CHD1L: variants seen among roughly 807,000 people sequenced by gnomAD.
CHD1L encodes the protein ATP-dependent chromatin remodeler CHD1L.
In CHD1L, 118 loss-of-function variants were observed where a neutral mutation model predicts 115.9. That is an observed-to-expected ratio of 1.02 (90% CI 0.88 to 1.19). CHD1L has a LOEUF of 1.19. CHD1L is among the 50% of genes most tolerant of loss of function. The pLI, the probability that CHD1L is intolerant of heterozygous loss-of-function variation, is 0.00. For synonymous variants in CHD1L, 411 were observed against 387.1 expected, an observed-to-expected ratio of 1.06 and a Z score of -0.72; for missense variants, 1,179 against 1,065.3, an observed-to-expected ratio of 1.11 and a Z score of -1.49.
chr1:147,291,410 C>T (rs1013806565), intron 19 of CHD1L, 72 bp from the exon 20 acceptor site: 16 of 1,274,768 alleles, frequency 1.3e-5, no homozygotes, highest in South Asian at 1.1e-4. Context: ...TTGAAGAAGG[C>T]GAGATACGAG....
At chr1:147,212,139 C>G in the CHD1L span, among the ~76,000 whole-genome samples, 1 of 152,168 alleles carries the variant, frequency 6.6e-6, no homozygotes, top group Non-Finnish European at 1.5e-5. Flanking sequence ...GATAATGAGC[C>G]CAGACTTTAG....
At chr1:147,183,015 C>A in the CHD1L span, among the ~76,000 whole-genome samples, 6 of 152,126 alleles carry the variant, frequency 3.9e-5, no homozygotes, top group East Asian at 1.2e-3. Flanking sequence ...CTGGCTAACA[C>A]GATAAAACCC....
At position 147,271,026 on chromosome 1, in the gene CHD1L, C is replaced by T. The variant is rs587665038; in HGVS notation, c.1159+21C>T. On this transcript the variant is annotated intron_variant, in intron 11 of 22. Transcript: ENST00000369258. ...CAGAGGTGACACCTTTTGGCCACTA[C>T]ATTACCTAAGGCTCTGTTAGACTTA... 4.5e-5 allele frequency: 71 copies of T among 1,592,048 alleles called. 1 individual carries two copies. In the South Asian group the frequency reaches 7.2e-4, roughly 16 times the overall value.
chr1:147,252,758 C>T, intron 2 of CHD1L, 23 bp downstream of exon 2: 3 of 1,518,874 alleles, frequency 2.0e-6, no homozygotes, highest in East Asian at 4.5e-5. Flanking sequence ...GCGACGAGTA[C>T]TGCTCACCGC....
At chr1:147,207,055 A>G in the CHD1L span, among the ~76,000 whole-genome samples, 3 of 151,996 alleles carry the variant, frequency 2.0e-5, no homozygotes, top group African/African-American at 4.8e-5. Context: ...AAAAAATACT[A>G]TTAGGGCAAC....
At chr1:147,194,085 C>A in the CHD1L span, among the ~76,000 whole-genome samples, 1 of 152,110 alleles carries the variant, frequency 6.6e-6, no homozygotes, top group Non-Finnish European at 1.5e-5. Flanking sequence ...TCTCGTTGAT[C>A]TGTCTAATGT....
the CHD1L span, among the ~76,000 whole-genome samples, chr1:147,236,822 C>A: frequency 6.6e-6 from 1 of 152,152 alleles, no homozygotes; most frequent in African/African-American, 2.4e-5. Context: ...AGGAAGTGTG[C>A]GCCAACTGGT....
chr1:147,220,059 C>G, the CHD1L span, among the ~76,000 whole-genome samples: 1 of 151,948 alleles, frequency 6.6e-6, no homozygotes, highest in Admixed American at 6.6e-5. Flanking sequence ...AGGCTGGTCT[C>G]GATCTCCTGA....
At chr1:147,204,148 A>C in the CHD1L span, 1 of 1,069,048 alleles carries the variant, frequency 9.4e-7, no homozygotes, top group Non-Finnish European at 1.5e-6. Flanking sequence ...TCAATTCTTC[A>C]TCAGTCTTTA....
At chr1:147,219,840 C>T in the CHD1L span, among the ~76,000 whole-genome samples, 5 of 132,896 alleles carry the variant, frequency 3.8e-5, no homozygotes, top group South Asian at 2.3e-4. Flanking sequence ...ATGTTAATTG[C>T]TTTTTTTTTT....
At chr1:147,212,353 T>C in the CHD1L span, 1 of 1,608,396 alleles carries the variant, frequency 6.2e-7, no homozygotes, top group South Asian at 1.1e-5. Context: ...AAACTGAAGC[T>C]AGAGTTAAGC....
intron 13 of CHD1L, 98 bp from the exon 14 acceptor site, chr1:147,276,006 A>T: frequency 8.5e-7 from 1 of 1,171,150 alleles, no homozygotes; most frequent in Non-Finnish European, 1.2e-6. Flanking sequence ...TGAATATGGT[A>T]TTTGGTTTTG....
At chr1:147,265,326 TG>T (rs2102559309) in intron 7 of CHD1L, among the ~76,000 whole-genome samples, 1 of 152,328 alleles carries the variant, frequency 6.6e-6, no homozygotes, top group Non-Finnish European at 1.5e-5. Flanking sequence ...ATGACATACT[TG>T]TATTACATGG....
chr1:147,256,589 T>A (rs782612146), intron 5 of CHD1L, 27 bp downstream of exon 5: 1 of 1,601,760 alleles, frequency 6.2e-7, no homozygotes, highest in Non-Finnish European at 8.5e-7. Context: ...ATTTAAGAAC[T>A]TGGGTTGAAT....
chr1:147,186,543 C>T, the CHD1L span: 32 of 1,006,336 alleles, frequency 3.2e-5, no homozygotes, highest in African/African-American at 2.2e-4. Flanking sequence ...GATTTTATAC[C>T]GATGCTGACT....
the CHD1L span, among the ~76,000 whole-genome samples, chr1:147,231,007 TC>T: frequency 1.3e-5 from 2 of 152,192 alleles, no homozygotes; most frequent in African/African-American, 4.8e-5. Context: ...TCTATTTCCT[TC>T]AGTTCTGCTC....
At chr1:147,259,155 G>C (rs1211635292) in intron 5 of CHD1L, 1 of 152,140 alleles carries the variant, frequency 6.6e-6, no homozygotes, top group African/African-American at 2.4e-5. Context: ...CTTCTCAGTA[G>C]TATCTGTCAA....
rs1256507329 is a variant in CHD1L, at chr1:147,257,601, CATAATA to C, written c.494+1040_494+1045del. Among the ~76,000 whole-genome samples, 4 of 152,164 alleles carry C rather than the reference CATAATA, an allele frequency of 2.6e-5. No individual in the cohort carries two copies. The East Asian group carries it at 7.7e-4, about 29-fold the overall frequency. ...GAGGGATGAGAAGTGTACAGATATC[CATAATA>C]CATAGCAATATATGGGAAGTCTCAA... is the stretch of plus-strand genomic sequence containing the variant. On this transcript the variant is annotated intron_variant, in intron 5 of 22. Coordinates refer to ENST00000369258, the MANE Select transcript of CHD1L (RefSeq NM_004284.6).
intron 13 of CHD1L, 34 bp downstream of exon 13, chr1:147,275,502 C>T (rs781878882): frequency 2.6e-5 from 40 of 1,523,522 alleles, no homozygotes; most frequent in Non-Finnish European, 3.6e-5. Flanking sequence ...TTGGCTTGCC[C>T]AGCAGCAGTT....
Sources: allele counts gnomAD v4.1 joint callset (sites outside exome capture counted in the v4.1 genomes callset), GRCh38; gene constraint gnomAD v4.1.1; transcripts MANE v1.5; gene names NCBI Gene and HGNC (gene_info 2026-07-23, HGNC 2026-07-21).